The following AHI1 variants were observed in gnomAD, a reference collection of about 807,000 sequenced individuals.
AHI1 encodes jouberin.
A neutral mutation model predicts 149.3 loss-of-function variants in AHI1; 123 were observed. That is an observed-to-expected ratio of 0.82 (90% CI 0.71 to 0.96). AHI1 has a LOEUF of 0.96. Ranked by LOEUF, AHI1 falls within the 40% of genes least tolerant of loss-of-function variation. The pLI is 0.00. For missense variants in AHI1, 1,439 were observed against 1,422.7 expected, an observed-to-expected ratio of 1.01 and a Z score of -0.18; for synonymous variants, 475 against 459.8, an observed-to-expected ratio of 1.03 and a Z score of -0.42.
At chr6:135,417,130 A>G (rs1782491900) in intron 20 of AHI1, among the ~76,000 whole-genome samples, 1 of 152,130 alleles carries the variant, frequency 6.6e-6, no homozygotes, top group East Asian at 1.9e-4. Flanking sequence ...TCAGGAATAA[A>G]TAAATAAACA....
intron 23 of AHI1, among the ~76,000 whole-genome samples, chr6:135,373,704 A>C (rs899690267): frequency 6.6e-6 from 1 of 152,218 alleles, no homozygotes; most frequent in African/African-American, 2.4e-5. Context: ...CAAAGAAAGA[A>C]GAACAAAGAC....
intron 27 of AHI1, among the ~76,000 whole-genome samples, chr6:135,291,557 G>A (rs567075551): frequency 6.6e-6 from 1 of 152,144 alleles, no homozygotes; most frequent in Non-Finnish European, 1.5e-5. Flanking sequence ...CAATCCTGCT[G>A]GCACCTTGAT....
chr6:135,415,207 C>T (rs915953871), intron 20 of AHI1, among the ~76,000 whole-genome samples: 12 of 152,002 alleles, frequency 7.9e-5, no homozygotes, highest in Non-Finnish European at 1.2e-4. Flanking sequence ...TTAATCCAGT[C>T]TATCATTGTT....
chr6:135,424,222 G>GCTC (rs1783624313), intron 20 of AHI1, among the ~76,000 whole-genome samples: 1 of 152,002 alleles, frequency 6.6e-6, no homozygotes, highest in African/African-American at 2.4e-5. Context: ...TAAAGCCATG[G>GCTC]CTCCTGTAAA....
chr6:135,352,802 GT>G (rs1248313698), intron 24 of AHI1, among the ~76,000 whole-genome samples: 1 of 103,638 alleles, frequency 9.6e-6, no homozygotes, highest in Non-Finnish European at 1.9e-5. Context: ...ATAAAACCAT[GT>G]TTTGTGGGTT....
intron 15 of AHI1, among the ~76,000 whole-genome samples, chr6:135,434,586 T>A: frequency 6.6e-6 from 1 of 151,810 alleles, no homozygotes. Context: ...ACAGACATAA[T>A]ATTAAAAAAA....
chr6:135,440,056 G>A (rs1786037437), intron 14 of AHI1, among the ~76,000 whole-genome samples: 2 of 152,194 alleles, frequency 1.3e-5, no homozygotes, highest in South Asian at 2.1e-4. Flanking sequence ...GCTTTACGGT[G>A]TTTTAACTTG....
chr6:135,340,641 A>C (rs1360555033), intron 24 of AHI1, among the ~76,000 whole-genome samples: 1 of 61,310 alleles, frequency 1.6e-5, no homozygotes, highest in Non-Finnish European at 2.8e-5. Context: ...AAACCAGTAC[A>C]TATATATACA....
At position 135,426,578 on chromosome 6, in the gene AHI1, T is replaced by C. The variant is rs531913494; in HGVS notation, c.2764+589A>G. On this transcript the variant is annotated intron_variant, in intron 20 of 28. Transcript: ENST00000265602. The stretch of plus-strand genomic sequence containing the variant: ...GCAATTTTGAGAATGACAGCACTAA[T>C]AGTATAATATAGAAGAGTGGAATCC... 1.4e-4 allele frequency among the ~76,000 whole-genome samples: 22 copies of C among 151,760 alleles called. No individual in the cohort carries two copies. In the South Asian group the frequency reaches 2.9e-3, roughly 20 times the overall value.
At chr6:135,304,642 G>C (rs561938142) in intron 26 of AHI1, among the ~76,000 whole-genome samples, 84 of 151,596 alleles carry the variant, frequency 5.5e-4, no homozygotes, top group African/African-American at 1.9e-3. Context: ...GTGGTGGCGG[G>C]CACCTGTAAT....
chr6:135,441,367 C>T (rs1486158959), intron 14 of AHI1, among the ~76,000 whole-genome samples: 2 of 121,968 alleles, frequency 1.6e-5, no homozygotes, highest in African/African-American at 2.5e-5. Flanking sequence ...ACAGGCATAA[C>T]GGGACTCCCA....
chr6:135,382,944 TATATATATATAC>T (rs1480507268), intron 23 of AHI1, among the ~76,000 whole-genome samples: 1 of 111,630 alleles, frequency 9.0e-6, no homozygotes, highest in African/African-American at 3.4e-5. Flanking sequence ...TATATATATA[TATATATATATAC>T]ATATAAAATA....
At chr6:135,471,817 C>A (rs1339197882) in intron 5 of AHI1, among the ~76,000 whole-genome samples, 5 of 150,854 alleles carry the variant, frequency 3.3e-5, no homozygotes, top group Non-Finnish European at 7.4e-5. Flanking sequence ...TCGAGACCAT[C>A]CTGGCTAACA....
At chr6:135,293,712 T>C (rs573386911) in intron 27 of AHI1, among the ~76,000 whole-genome samples, 1 of 150,784 alleles carries the variant, frequency 6.6e-6, no homozygotes, top group African/African-American at 2.5e-5. Flanking sequence ...TAAAAAATGT[T>C]ACCAAGAGAA....
intron 3 of AHI1, among the ~76,000 whole-genome samples, chr6:135,494,678 A>G (rs1261042040): frequency 6.6e-6 from 1 of 152,204 alleles, no homozygotes; most frequent in Non-Finnish European, 1.5e-5. Context: ...TTTGTTAGGC[A>G]ATCTACTAAT....
chr6:135,298,525 A>G (rs1783443381), intron 27 of AHI1, among the ~76,000 whole-genome samples: 1 of 152,202 alleles, frequency 6.6e-6, no homozygotes, highest in African/African-American at 2.4e-5. Flanking sequence ...TAGGTAAATC[A>G]AAGAAATGAC....
intron 19 of AHI1, 122 bp downstream of exon 19, chr6:135,428,507 C>T: frequency 8.3e-7 from 1 of 1,211,984 alleles, no homozygotes; most frequent in Non-Finnish European, 1.1e-6. Context: ...TCTTAAAAAA[C>T]ATAATTGAAA....
chr6:135,457,572 T>C lies in AHI1; in HGVS notation c.1073A>G (p.Asp358Gly). 6.2e-7 allele frequency: 1 copy of C among 1,613,986 alleles called. No homozygotes were observed. Among genetic ancestry groups the C allele is most frequent in the Non-Finnish European group, 8.5e-7 (1 of 1,179,882 alleles). The change falls in exon 9 of 29, where the codon GAT (aspartate) becomes GGT (glycine). Residue 358 changes from aspartate to glycine, a missense_variant. Asp to Gly is a moderately conservative substitution (Grantham distance 94). Transcript: ENST00000265602. The stretch of plus-strand genomic sequence containing the variant: ...TACCATTGGGTGAGAAATCATAAAA[T>C]CTGACTTAAGTCTATCAGTTCGGTG... ...YIHRTDRLKS[D>G]FMISHPMVKI...
intron 19 of AHI1, 101 bp from the exon 20 acceptor site, chr6:135,427,408 C>T (rs1784061438): frequency 1.5e-5 from 15 of 976,888 alleles, no homozygotes; most frequent in East Asian, 2.7e-5. Context: ...ATATTTATAG[C>T]AATGATGCTC....
Sources: gnomAD v4.1 joint callset for allele counts (sites outside exome capture counted in the v4.1 genomes callset) on GRCh38, gnomAD v4.1.1 for gene constraint, MANE v1.5 for transcripts, NCBI Gene and HGNC (gene_info 2026-07-23, HGNC 2026-07-21) for gene names.